The following AFF2 variants were observed in gnomAD, a reference collection of about 807,000 sequenced individuals.
AFF2 encodes the protein ALF transcription elongation factor 2, also known as AF4/FMR2 family member 2.
AFF2 carries 14 observed loss-of-function variants against 76.9 expected under a neutral mutation model. The ratio of observed to expected loss-of-function variants is 0.18; its 90% CI spans 0.12 to 0.28. The LOEUF (loss-of-function observed/expected upper bound fraction) is 0.28, where lower values mean the gene tolerates loss of function less well. Ranked by LOEUF, AFF2 falls within the 10% of genes least tolerant of loss-of-function variation. AFF2 has a pLI of 1.00. For synonymous variants in AFF2, 398 were observed against 366.7 expected (o/e 1.09, Z -0.98); for missense variants, 868 against 1,001.1 (o/e 0.87, Z 1.79).
At chrX:148,779,786 G>A (rs782793574) in intron 3 of AFF2, among the ~76,000 whole-genome samples, 11 of 111,778 alleles carry the variant, frequency 9.8e-5, no homozygotes, top group East Asian at 8.4e-4. Flanking sequence ...TGATCCTGTC[G>A]TTACGATTCT....
intron 4 of AFF2, among the ~76,000 whole-genome samples, chrX:148,811,590 T>G (rs782178069): frequency 1.8e-5 from 2 of 112,428 alleles, no homozygotes; most frequent in Non-Finnish European, 3.8e-5. Context: ...TGTTATTCCT[T>G]TCTTCTCCGA....
At chrX:148,898,391 A>G (rs782427560) in intron 8 of AFF2, among the ~76,000 whole-genome samples, 10 of 112,532 alleles carry the variant, frequency 8.9e-5, no homozygotes, top group Non-Finnish European at 1.5e-4. Context: ...TTCATCTTGA[A>G]GTAGAACATA....
intron 1 of AFF2, among the ~76,000 whole-genome samples, chrX:148,639,623 G>A (rs1377021440): frequency 2.7e-5 from 3 of 111,768 alleles, no homozygotes; most frequent in Non-Finnish European, 5.6e-5. Flanking sequence ...CACATATAAC[G>A]TGTTTATTGT....
chrX:148,658,881 A>G (rs782536362), intron 2 of AFF2, among the ~76,000 whole-genome samples: 3 of 112,275 alleles, frequency 2.7e-5, no homozygotes, highest in Admixed American at 9.4e-5. Context: ...TGATATAGAC[A>G]GGGTATGAAT....
intron 3 of AFF2, among the ~76,000 whole-genome samples, chrX:148,694,816 T>A (rs2054695369): frequency 1.1e-5 from 1 of 92,614 alleles, no homozygotes; most frequent in African/African-American, 4.0e-5. Flanking sequence ...AGCACTTTTT[T>A]TTTTTTTTTT....
At chrX:148,888,123 C>A (rs1189565943) in intron 8 of AFF2, among the ~76,000 whole-genome samples, 1 of 111,896 alleles carries the variant, frequency 8.9e-6, no homozygotes, top group African/African-American at 3.2e-5. Flanking sequence ...GCATCCATCC[C>A]AGTTCCAGAA....
intron 7 of AFF2, among the ~76,000 whole-genome samples, chrX:148,866,333 C>G (rs1350498587): frequency 9.0e-6 from 1 of 111,547 alleles, no homozygotes; most frequent in African/African-American, 3.3e-5. Flanking sequence ...GTTTGTTTGT[C>G]CCTGCTTAAA....
intron 4 of AFF2, among the ~76,000 whole-genome samples, chrX:148,824,816 G>A (rs141537613): frequency 9.0e-6 from 1 of 111,388 alleles, no homozygotes; most frequent in East Asian, 2.9e-4. Flanking sequence ...TGAGAGGACT[G>A]CTTGAGACCA....
intron 1 of AFF2, among the ~76,000 whole-genome samples, chrX:148,535,821 G>T (rs2052778237): frequency 9.0e-6 from 1 of 111,306 alleles, no homozygotes; most frequent in South Asian, 3.8e-4. Context: ...ATGATGGTGT[G>T]ACTCAGCATT....
At chrX:148,638,669 G>A (rs1192827919) in intron 1 of AFF2, among the ~76,000 whole-genome samples, 2 of 111,428 alleles carry the variant, frequency 1.8e-5, no homozygotes, top group African/African-American at 6.5e-5. Flanking sequence ...AGAAGGCAAA[G>A]CAAGAGCAGG....
At chrX:148,735,578 C>G (rs1352661762) in intron 3 of AFF2, among the ~76,000 whole-genome samples, 1 of 111,670 alleles carries the variant, frequency 9.0e-6, no homozygotes, top group Non-Finnish European at 1.9e-5. Context: ...GTGAATTGTA[C>G]AAATAAGTTT....
At chrX:148,674,376 GT>G (rs1329685296) in intron 3 of AFF2, among the ~76,000 whole-genome samples, 10 of 111,845 alleles carry the variant, frequency 8.9e-5, no homozygotes, top group Non-Finnish European at 1.7e-4. Flanking sequence ...TCTTGTGCCT[GT>G]TATCAACAGG....
intron 3 of AFF2, among the ~76,000 whole-genome samples, chrX:148,704,898 C>G (rs2054864245): frequency 9.1e-6 from 1 of 110,155 alleles, no homozygotes; most frequent in Admixed American, 9.8e-5. Context: ...AACTCCTGAC[C>G]TCAAGCAATC....
chrX:148,501,188 T>C (rs2052344473), intron 1 of AFF2, 44 bp downstream of exon 1: 1 of 1,199,845 alleles, frequency 8.3e-7, no homozygotes, highest in Admixed American at 2.2e-5. Context: ...GCGAGTCTCC[T>C]GGCGAAGTCT....
intron 1 of AFF2, among the ~76,000 whole-genome samples, chrX:148,525,407 C>T (rs781790833): frequency 8.0e-5 from 9 of 111,860 alleles, no homozygotes; most frequent in Non-Finnish European, 1.3e-4. Flanking sequence ...CATTAAATTA[C>T]CACTATAGAA....
At chrX:148,656,569 G>A (rs1291851711) in intron 2 of AFF2, among the ~76,000 whole-genome samples, 3 of 94,677 alleles carry the variant, frequency 3.2e-5, no homozygotes, top group South Asian at 5.4e-4. Flanking sequence ...GCGGGATCTC[G>A]GCTCACTGCA....
chrX:148,836,481 T>C (rs1286620415), intron 4 of AFF2, among the ~76,000 whole-genome samples: 1 of 111,413 alleles, frequency 9.0e-6, no homozygotes, highest in Non-Finnish European at 1.9e-5. Context: ...ATGTTACTTA[T>C]AAAGACTGGA....
intron 3 of AFF2, among the ~76,000 whole-genome samples, chrX:148,744,191 C>G (rs2055394985): frequency 9.0e-6 from 1 of 111,188 alleles, no homozygotes; most frequent in African/African-American, 3.3e-5. Flanking sequence ...GAAGTAGAGG[C>G]TCCTGTGAAG....
intron 17 of AFF2, 119 bp from the exon 18 acceptor site, chrX:148,978,243 A>G (rs782633328): frequency 3.4e-5 from 19 of 552,117 alleles, no homozygotes; most frequent in Non-Finnish European, 5.4e-5. Context: ...TTATTTACTT[A>G]TGTTTCTCAA....
Sources: gnomAD v4.1 joint callset for allele counts (sites outside exome capture counted in the v4.1 genomes callset) on GRCh38, gnomAD v4.1.1 for gene constraint, MANE v1.5 for transcripts, NCBI Gene and HGNC (gene_info 2026-07-23, HGNC 2026-07-21) for gene names.